Variants in CCDC62 observed in about 807,000 individuals in gnomAD.
The protein encoded by CCDC62 is coiled-coil domain-containing protein 62.
A neutral mutation model predicts 80.8 loss-of-function variants in CCDC62; 72 were observed. The ratio of observed to expected loss-of-function variants is 0.89; its 90% CI spans 0.74 to 1.08. The LOEUF is 1.08. Among genes scored for constraint, CCDC62 ranks in the 50% least tolerant of loss-of-function variants. CCDC62 has a pLI of 0.00. For missense variants in CCDC62, 704 were observed against 809.4 expected, an observed-to-expected ratio of 0.87 and a Z score of 1.58; for synonymous variants, 286 against 296.5, an observed-to-expected ratio of 0.96 and a Z score of 0.36.
chr12:122,783,135 C>G (rs2029970640), intron 3 of CCDC62, among the ~76,000 whole-genome samples: 1 of 150,704 alleles, frequency 6.6e-6, no homozygotes, highest in Admixed American at 6.6e-5. Context: ...TTTTGGTTTT[C>G]TCTTCTAACT....
chr12:122,817,042 T>TTTTATTTATTTATTTA (rs371995378), intron 11 of CCDC62, among the ~76,000 whole-genome samples: 5,300 of 150,272 alleles, frequency 0.035, 152 homozygotes, highest in African/African-American at 0.061. Context: ...TATTTTTAAA[T>TTTTATTTATTTATTTA]TTTATTTATT....
intron 8 of CCDC62, among the ~76,000 whole-genome samples, chr12:122,798,872 G>T (rs1458332495): frequency 7.2e-5 from 11 of 152,038 alleles, no homozygotes; most frequent in Non-Finnish European, 1.3e-4. Flanking sequence ...GAGGTCAGGA[G>T]ATCGAGACCA....
intron 11 of CCDC62, 96 bp downstream of exon 11, chr12:122,813,515 T>TA (rs778878894): frequency 7.0e-5 from 82 of 1,164,330 alleles, no homozygotes; most frequent in Non-Finnish European, 9.5e-5. Flanking sequence ...GCCTTTCTGT[T>TA]AGAGGGAGAG....
intron 11 of CCDC62, among the ~76,000 whole-genome samples, chr12:122,820,061 C>CAAAAAAAAAAAAAAAAAAAAA (rs34620795): frequency 1.7e-5 from 1 of 58,104 alleles, no homozygotes; most frequent in Non-Finnish European, 2.8e-5. Flanking sequence ...GATCCTGTCT[C>CAAAAAAAAAAAAAAAAAAAAA]AAAAAAAAAA....
At chr12:122,803,530 A>G (rs374345557) in intron 9 of CCDC62, among the ~76,000 whole-genome samples, 16 of 152,310 alleles carry the variant, frequency 1.1e-4, no homozygotes, top group African/African-American at 3.4e-4. Context: ...GCGTATTTTA[A>G]TCATTACATT....
At chr12:122,783,691 T>C (rs1474562600) in intron 3 of CCDC62, among the ~76,000 whole-genome samples, 1 of 152,236 alleles carries the variant, frequency 6.6e-6, no homozygotes, top group Admixed American at 6.5e-5. Flanking sequence ...CTACTGATTA[T>C]GTTGCATGAA....
chr12:122,805,097 C>G (rs1296524053), intron 9 of CCDC62, among the ~76,000 whole-genome samples: 1 of 149,724 alleles, frequency 6.7e-6, no homozygotes, highest in Non-Finnish European at 1.5e-5. Flanking sequence ...GTTGGCCAGG[C>G]TGGTCTCAAA....
chr12:122,800,986 C>T (rs1256153432), intron 8 of CCDC62, 138 bp from the exon 9 acceptor site: 4 of 809,816 alleles, frequency 4.9e-6, no homozygotes, highest in African/African-American at 1.7e-5. Flanking sequence ...TGGAGAAGGT[C>T]GGGCTGGAAT....
rs71085861 is a variant in CCDC62 at position 122,822,574 on chromosome 12, A to ATTT, written c.2002-777_2002-775dup. On this transcript the variant is annotated intron_variant, in intron 11 of 12. Coordinates refer to ENST00000253079, the MANE Select transcript of CCDC62 (RefSeq NM_201435.5). ...TACTCTCTGCTTCTATGAGTTCCAC[A>ATTT]TTTTTTTTTTTTTTTTTGAGATGGA... 6.4e-3 allele frequency among the ~76,000 whole-genome samples: 754 copies of ATTT among 117,720 alleles called. 51 individuals carry two copies. Among genetic ancestry groups the ATTT allele is most frequent in the Non-Finnish European group, 8.0e-3 (491 of 61,652 alleles). The allele number at this position is 117,720 out of a possible 152,430, so 77.2% of individuals were successfully genotyped here. A position where few individuals can be genotyped will look rare whatever the true frequency, so the allele number is the denominator to read the frequency against.
chr12:122,807,793 T>C (rs1593818219), intron 10 of CCDC62, among the ~76,000 whole-genome samples: 1 of 152,286 alleles, frequency 6.6e-6, no homozygotes, highest in East Asian at 1.9e-4. Flanking sequence ...AGACAATCAC[T>C]CACTAATCTG....
intron 10 of CCDC62, among the ~76,000 whole-genome samples, chr12:122,811,676 T>C (rs1392964097): frequency 6.7e-6 from 1 of 150,172 alleles, no homozygotes; most frequent in Non-Finnish European, 1.5e-5. Flanking sequence ...AAAAATTAGC[T>C]GGGCGTGGTG....
At position 122,783,345 on chromosome 12, in the gene CCDC62, A is replaced by T. The variant is rs969303722; in HGVS notation, c.396+2015A>T. Among the ~76,000 whole-genome samples the T allele has an allele frequency of 3.3e-5, 5 of 149,560 alleles. No individual in the cohort carries two copies. In the Admixed American group the frequency reaches 3.3e-4, roughly 10 times the overall value. On this transcript the variant is annotated intron_variant, in intron 3 of 12. Coordinates refer to ENST00000253079, the MANE Select transcript of CCDC62 (RefSeq NM_201435.5). The stretch of plus-strand genomic sequence containing the variant: ...CGGGTTCACACTATTCTCCTGCCTC[A>T]GCCTCCCTAGTAGCTGGGACTACAG...
At position 122,798,046 on chromosome 12, in the gene CCDC62, T is replaced by C. The variant is rs2031066619; in HGVS notation, c.862-39T>C. 3.9e-6 allele frequency: 4 copies of C among 1,027,926 alleles called. No individual in the cohort carries two copies. The East Asian group carries it at 9.6e-5, about 25-fold the overall frequency. The allele number at this position is 1,027,926 out of a possible 1,614,324, so 63.7% of individuals were successfully genotyped here. A position where few individuals can be genotyped will look rare whatever the true frequency, so the allele number is the denominator to read the frequency against. On this transcript the variant is annotated intron_variant, in intron 7 of 12. Coordinates refer to ENST00000253079, the MANE Select transcript of CCDC62 (RefSeq NM_201435.5). ...AAATTGTTGGTTCAGTTTAGTTTTG[T>C]TATTACATTTCATGTTGATTTGTCA...
chr12:122,778,353 CAAAAA>C (rs34065757), intron 2 of CCDC62, among the ~76,000 whole-genome samples: 1 of 118,174 alleles, frequency 8.5e-6, no homozygotes, highest in Non-Finnish European at 1.9e-5. Context: ...GACCCTGTCC[CAAAAA>C]AAAAAAAAAA....
rs760199992 is a variant in CCDC62, at chr12:122,792,042, A to G, written c.693A>G (p.Thr231=). The G allele has an allele frequency of 3.1e-6, 5 of 1,613,870 alleles. No individual in the cohort carries two copies. Among genetic ancestry groups the G allele is most frequent in the Non-Finnish European group, 4.2e-6 (5 of 1,179,874 alleles). The change falls in exon 6 of 13, where the codon ACA becomes ACG. Residue 231 remains threonine, a synonymous_variant. Coordinates refer to ENST00000253079, the MANE Select transcript of CCDC62 (RefSeq NM_201435.5). Reference sequence around the variant, plus strand: ...AAGAGGACCTCAATGAAAAGACGACAGAAAATAATGAGCAACGAGAAGAGA... The same window carrying G: ...AAGAGGACCTCAATGAAAAGACGACGGAAAATAATGAGCAACGAGAAGAGA... ...KLKEDLNEKT[T]ENNEQREEII...
At chr12:122,825,588 T>C (rs2032587895) in intron 12 of CCDC62, among the ~76,000 whole-genome samples, 1 of 145,540 alleles carries the variant, frequency 6.9e-6, no homozygotes, top group Non-Finnish European at 1.5e-5. Context: ...ACTCCTGAGC[T>C]TAAGTGATCC....
chr12:122,810,021 A>C (rs980401620), intron 10 of CCDC62, among the ~76,000 whole-genome samples: 5 of 152,216 alleles, frequency 3.3e-5, no homozygotes, highest in Non-Finnish European at 5.9e-5. Context: ...AATTAATTCA[A>C]GATGGATTAA....
At chr12:122,803,056 T>A (rs994322966) in intron 9 of CCDC62, among the ~76,000 whole-genome samples, 5 of 151,962 alleles carry the variant, frequency 3.3e-5, no homozygotes, top group East Asian at 1.9e-4. Context: ...GCTCTTTTTT[T>A]AAAAATTGAG....
chr12:122,824,649 T>C (rs1696327), intron 12 of CCDC62, among the ~76,000 whole-genome samples: 145,111 of 152,342 alleles, frequency 0.95, 69,157 homozygotes, highest in East Asian at 0.98. Flanking sequence ...TTTGATCCAA[T>C]AATCCCACTA....
Sources: allele counts gnomAD v4.1 joint callset (sites outside exome capture counted in the v4.1 genomes callset), GRCh38; gene constraint gnomAD v4.1.1; transcripts MANE v1.5; gene names NCBI Gene and HGNC (gene_info 2026-07-23, HGNC 2026-07-21).